Variants in EBF1 observed in about 807,000 individuals in gnomAD.
EBF1 encodes the protein EBF transcription factor 1, also known as transcription factor COE1.
Under a neutral mutation model 68.4 loss-of-function variants are expected in EBF1, and 10 were observed. That is an observed-to-expected ratio of 0.15 (90% CI 0.09 to 0.25). EBF1 has a LOEUF of 0.25. Among genes scored for constraint, EBF1 ranks in the 10% least tolerant of loss-of-function variants. The pLI is 1.00. For synonymous variants in EBF1, 298 were observed against 299.8 expected, an observed-to-expected ratio of 0.99 and a Z score of 0.06; for missense variants, 509 against 794.4, an observed-to-expected ratio of 0.64 and a Z score of 4.32.
intron 6 of EBF1, among the ~76,000 whole-genome samples, chr5:158,977,028 C>G (rs1756910956): frequency 6.6e-6 from 1 of 152,152 alleles, no homozygotes; most frequent in South Asian, 2.1e-4. Flanking sequence ...CCCCTACACC[C>G]AAATGAACTC....
chr5:159,038,785 GT>G (rs1344314688), intron 6 of EBF1, among the ~76,000 whole-genome samples: 4 of 152,162 alleles, frequency 2.6e-5, no homozygotes, highest in Non-Finnish European at 4.4e-5. Flanking sequence ...TGCTGTGGAA[GT>G]CTCAGAAATT....
At chr5:159,061,056 C>T (rs927805924) in intron 6 of EBF1, among the ~76,000 whole-genome samples, 2 of 151,824 alleles carry the variant, frequency 1.3e-5, no homozygotes, top group Admixed American at 1.3e-4. Flanking sequence ...AGAAATGTTC[C>T]TTCCAAACCG....
At chr5:158,883,307 C>T (rs973435338) in intron 6 of EBF1, among the ~76,000 whole-genome samples, 23 of 151,320 alleles carry the variant, frequency 1.5e-4, no homozygotes, top group African/African-American at 4.9e-4. Flanking sequence ...CATATATATA[C>T]ATACATACAT....
intron 6 of EBF1, among the ~76,000 whole-genome samples, chr5:158,930,711 T>C (rs1281829343): frequency 6.6e-6 from 1 of 152,216 alleles, no homozygotes; most frequent in East Asian, 1.9e-4. Context: ...TTCACATTTC[T>C]AAGGCATCTA....
intron 6 of EBF1, among the ~76,000 whole-genome samples, chr5:158,949,773 C>T (rs375048611): frequency 9.2e-5 from 14 of 152,302 alleles, no homozygotes; most frequent in East Asian, 3.9e-4. Flanking sequence ...TTCAAATGTG[C>T]GCTAAGCCAT....
At chr5:158,907,439 T>C (rs1804899035) in intron 6 of EBF1, among the ~76,000 whole-genome samples, 1 of 152,208 alleles carries the variant, frequency 6.6e-6, no homozygotes, top group Non-Finnish European at 1.5e-5. Context: ...AATAGGTGTG[T>C]ATCTTAGCAT....
At chr5:158,921,108 T>C (rs1308983300) in intron 6 of EBF1, among the ~76,000 whole-genome samples, 1 of 152,176 alleles carries the variant, frequency 6.6e-6, no homozygotes, top group African/African-American at 2.4e-5. Context: ...CGTTTATGCG[T>C]TTGACCTCAC....
intron 7 of EBF1, among the ~76,000 whole-genome samples, chr5:158,831,297 G>A (rs1476899920): frequency 2.6e-5 from 4 of 152,124 alleles, no homozygotes; most frequent in Admixed American, 2.6e-4. Flanking sequence ...AGATTCCAGA[G>A]TCAGATGATC....
At chr5:158,783,897 A>T (rs1418465289) in intron 9 of EBF1, among the ~76,000 whole-genome samples, 1 of 152,226 alleles carries the variant, frequency 6.6e-6, no homozygotes, top group Non-Finnish European at 1.5e-5. Context: ...GGCAGGGAAG[A>T]GGACAATCTT....
intron 6 of EBF1, among the ~76,000 whole-genome samples, chr5:158,922,293 G>A (rs910702809): frequency 1.3e-5 from 2 of 152,216 alleles, no homozygotes; most frequent in Non-Finnish European, 2.9e-5. Context: ...TATCCTCTCA[G>A]TGATTTGATT....
intron 6 of EBF1, among the ~76,000 whole-genome samples, chr5:158,847,747 G>C (rs1791813151): frequency 6.6e-6 from 1 of 152,220 alleles, no homozygotes; most frequent in Non-Finnish European, 1.5e-5. Flanking sequence ...GTGTCCGTCT[G>C]TCCTTCTTGG....
chr5:158,914,864 T>C (rs187078138), intron 6 of EBF1, among the ~76,000 whole-genome samples: 5 of 152,192 alleles, frequency 3.3e-5, no homozygotes, highest in Non-Finnish European at 7.4e-5. Context: ...AATAAGGAAA[T>C]ATGCATACAT....
chr5:158,939,463 G>A (rs1812771671), intron 6 of EBF1, among the ~76,000 whole-genome samples: 1 of 152,190 alleles, frequency 6.6e-6, no homozygotes, highest in Non-Finnish European at 1.5e-5. Context: ...CAGATCAGCA[G>A]ACCAGAATAA....
At chr5:158,750,007 T>C (rs1768441463) in intron 10 of EBF1, among the ~76,000 whole-genome samples, 1 of 152,156 alleles carries the variant, frequency 6.6e-6, no homozygotes, top group African/African-American at 2.4e-5. Context: ...TATCTCCCTT[T>C]GGACAATGAG....
chr5:159,057,147 C>A (rs1774927628), intron 6 of EBF1, among the ~76,000 whole-genome samples: 1 of 145,286 alleles, frequency 6.9e-6, no homozygotes. Flanking sequence ...CACTCTGTCA[C>A]CCAGGCTGAA....
At chr5:159,032,475 C>T (rs1470712470) in intron 6 of EBF1, among the ~76,000 whole-genome samples, 1 of 152,140 alleles carries the variant, frequency 6.6e-6, no homozygotes, top group African/African-American at 2.4e-5. Flanking sequence ...TCTTAGTTTC[C>T]TTGGACTATT....
At chr5:158,819,786 G>A (rs534793207) in intron 8 of EBF1, among the ~76,000 whole-genome samples, 1 of 152,208 alleles carries the variant, frequency 6.6e-6, no homozygotes, top group East Asian at 1.9e-4. Flanking sequence ...AACCTCACTA[G>A]GCTAAATGGT....
At chr5:159,067,000 T>C (rs1776932705) in intron 6 of EBF1, among the ~76,000 whole-genome samples, 1 of 152,130 alleles carries the variant, frequency 6.6e-6, no homozygotes, top group Admixed American at 6.6e-5. Context: ...CAAATTAAAG[T>C]GACCAAAATA....
chr5:158,817,875 G>A (rs989473505), intron 8 of EBF1, among the ~76,000 whole-genome samples: 8 of 152,156 alleles, frequency 5.3e-5, no homozygotes, highest in African/African-American at 1.9e-4. Flanking sequence ...TAGTATGAAT[G>A]AGCGATTTCA....
Sources: allele counts gnomAD v4.1 joint callset (sites outside exome capture counted in the v4.1 genomes callset), GRCh38; gene constraint gnomAD v4.1.1; transcripts MANE v1.5; gene names NCBI Gene and HGNC (gene_info 2026-07-23, HGNC 2026-07-21).